PVT1: variants seen among roughly 807,000 people sequenced by gnomAD.
The protein encoded by PVT1 is Pvt1 oncogene.
At chr8:127,910,717 G>A (rs866819677) in intron 3 of PVT1, among the ~76,000 whole-genome samples, 1 of 152,170 alleles carries the variant, frequency 6.6e-6, no homozygotes, top group Admixed American at 6.5e-5. Flanking sequence ...ATCCTAGGAG[G>A]ATGGTGCTAT....
chr8:127,904,915 G>T (rs1815801780), intron 3 of PVT1, among the ~76,000 whole-genome samples: 1 of 152,204 alleles, frequency 6.6e-6, no homozygotes, highest in Non-Finnish European at 1.5e-5. Flanking sequence ...AGCCCTGTGT[G>T]CCTGCACAGG....
intron 4 of PVT1, among the ~76,000 whole-genome samples, chr8:128,035,926 T>C (rs767475786): frequency 6.6e-6 from 1 of 152,244 alleles, no homozygotes; most frequent in Non-Finnish European, 1.5e-5. Flanking sequence ...TGCCTTGCTT[T>C]TAGTTCCTTA....
intron 4 of PVT1, among the ~76,000 whole-genome samples, chr8:128,040,154 T>C (rs1254114230): frequency 6.6e-6 from 1 of 152,250 alleles, no homozygotes; most frequent in Admixed American, 6.5e-5. Flanking sequence ...CTCAGACATG[T>C]GATCAAATAC....
At chr8:127,896,139 G>A (rs1263407160) in intron 3 of PVT1, among the ~76,000 whole-genome samples, 1 of 152,202 alleles carries the variant, frequency 6.6e-6, no homozygotes, top group South Asian at 2.1e-4. Context: ...TTAGAAGATG[G>A]CCTTCACATG....
intron 4 of PVT1, among the ~76,000 whole-genome samples, chr8:128,026,316 AT>A (rs10709365): frequency 0.15 from 21,967 of 147,498 alleles, 3,630 homozygotes; most frequent in African/African-American, 0.42. Context: ...TTTTATTTGT[AT>A]TTTTTTTTTT....
chr8:127,842,227 G>A (rs893858435), intron 2 of PVT1, among the ~76,000 whole-genome samples: 2 of 149,294 alleles, frequency 1.3e-5, no homozygotes, highest in Non-Finnish European at 3.0e-5. Flanking sequence ...ACTGGAAAAC[G>A]GCTTTGCTCT....
intron 2 of PVT1, among the ~76,000 whole-genome samples, chr8:127,838,089 G>T (rs965324561): frequency 6.6e-6 from 1 of 151,866 alleles, no homozygotes; most frequent in Non-Finnish European, 1.5e-5. Context: ...TAGGGATGGG[G>T]TTTCTCTGTG....
At chr8:128,080,404 A>G (rs78030171) in intron 5 of PVT1, among the ~76,000 whole-genome samples, 5 of 152,278 alleles carry the variant, frequency 3.3e-5, no homozygotes, top group East Asian at 1.9e-4. Flanking sequence ...TTTGGTATTC[A>G]TGTTTTGGAT....
At chr8:127,978,402 C>T (rs1473005526) in intron 3 of PVT1, among the ~76,000 whole-genome samples, 1 of 152,024 alleles carries the variant, frequency 6.6e-6, no homozygotes, top group Non-Finnish European at 1.5e-5. Context: ...TCAAGTGGTC[C>T]TCCTGCTTTG....
chr8:128,056,294 C>T (rs1221514620), intron 4 of PVT1, among the ~76,000 whole-genome samples: 1 of 152,102 alleles, frequency 6.6e-6, no homozygotes, highest in Non-Finnish European at 1.5e-5. Flanking sequence ...TGTATTCATG[C>T]CTATATGCAT....
Position 127,870,948 on chromosome 8 carries a change from G to A in PVT1, n.373-19641G>A, listed in dbSNP as rs139087428. Among the ~76,000 whole-genome samples, 9 of 152,254 alleles carry A rather than the reference G, an allele frequency of 5.9e-5. No homozygotes were observed. The East Asian group carries it at 1.2e-3, about 20-fold the overall frequency. On this transcript the variant is annotated intron_variant and non_coding_transcript_variant, in intron 2 of 10. Transcript: ENST00000651587. ...TTAACTCTGTGACGGCCACAGTCAC[G>A]TCTCCTTTCTGCCTCCTCCTCCTCC...
intron 4 of PVT1, among the ~76,000 whole-genome samples, chr8:128,000,675 A>T (rs988339437): frequency 6.6e-6 from 1 of 152,218 alleles, no homozygotes; most frequent in African/African-American, 2.4e-5. Context: ...GTGTCACCGT[A>T]GCAATACTTT....
intron 4 of PVT1, among the ~76,000 whole-genome samples, chr8:128,011,229 A>C (rs1196402200): frequency 6.6e-6 from 1 of 152,194 alleles, no homozygotes; most frequent in African/African-American, 2.4e-5. Flanking sequence ...TCAATGTCTC[A>C]ATCAGATTTG....
intron 3 of PVT1, among the ~76,000 whole-genome samples, chr8:127,981,099 G>A (rs937858322): frequency 2.0e-5 from 3 of 152,138 alleles, no homozygotes; most frequent in Non-Finnish European, 2.9e-5. Flanking sequence ...CCCAGGCTTA[G>A]AGCCCAGCTT....
intron 3 of PVT1, among the ~76,000 whole-genome samples, chr8:127,981,366 AT>A (rs1816881176): frequency 6.6e-6 from 1 of 152,104 alleles, no homozygotes; most frequent in African/African-American, 2.4e-5. Context: ...AGAGTTCGGC[AT>A]TTTTTCCTGG....
At chr8:128,027,312 G>A (rs538374250) in intron 4 of PVT1, among the ~76,000 whole-genome samples, 2 of 152,306 alleles carry the variant, frequency 1.3e-5, no homozygotes, top group East Asian at 3.9e-4. Flanking sequence ...CTGTGCTCAG[G>A]ACTTCACTGT....
At chr8:127,844,872 C>A (rs1480256378) in intron 2 of PVT1, among the ~76,000 whole-genome samples, 3 of 152,112 alleles carry the variant, frequency 2.0e-5, no homozygotes, top group African/African-American at 7.2e-5. Flanking sequence ...CACCACCACG[C>A]CTGGTTAATT....
chr8:128,058,267 G>A (rs1356193013), intron 4 of PVT1, among the ~76,000 whole-genome samples: 1 of 152,036 alleles, frequency 6.6e-6, no homozygotes, highest in Admixed American at 6.6e-5. Context: ...TTAAACTCTT[G>A]TCCAACATCA....
At chr8:127,989,626 G>T (rs921115765) in intron 4 of PVT1, among the ~76,000 whole-genome samples, 1 of 152,148 alleles carries the variant, frequency 6.6e-6, no homozygotes, top group African/African-American at 2.4e-5. Context: ...GGGAAAAGAG[G>T]AAAAGGTGAG....
Sources: gnomAD v4.1 joint callset for allele counts (sites outside exome capture counted in the v4.1 genomes callset) on GRCh38, gnomAD v4.1.1 for gene constraint, MANE v1.5 for transcripts, NCBI Gene and HGNC (gene_info 2026-07-23, HGNC 2026-07-21) for gene names.